Variants in PCNT observed in about 807,000 individuals in gnomAD.
The protein encoded by PCNT is kendrin.
PCNT carries 319 observed loss-of-function variants against 380.4 expected under a neutral mutation model. The ratio of observed to expected loss-of-function variants is 0.84; its 90% CI spans 0.77 to 0.92. The LOEUF (loss-of-function observed/expected upper bound fraction) is 0.92, where lower values mean the gene tolerates loss of function less well. PCNT is among the 40% of genes least tolerant of loss of function. The pLI, the probability that PCNT is intolerant of heterozygous loss-of-function variation, is 0.00. For synonymous variants in PCNT, 1,845 were observed against 1,735.2 expected, an observed-to-expected ratio of 1.06 and a Z score of -1.57; for missense variants, 4,400 against 4,255.3, an observed-to-expected ratio of 1.03 and a Z score of -0.95.
At chr21:46,351,302 C>T in intron 8 of PCNT, 127 bp from the exon 9 acceptor site, 1 of 734,712 alleles carries the variant, frequency 1.4e-6, no homozygotes, top group South Asian at 1.4e-5. Context: ...TTTCTCCGAG[C>T]TGCAGGTTTG....
chr21:46,354,322 G>A (rs2084392087), intron 11 of PCNT, among the ~76,000 whole-genome samples: 1 of 152,230 alleles, frequency 6.6e-6, no homozygotes, highest in East Asian at 1.9e-4. Flanking sequence ...TGTGGGCAAG[G>A]CCTCCACCCT....
chr21:46,336,577 C>G (rs1407132461), intron 3 of PCNT, among the ~76,000 whole-genome samples: 1 of 152,150 alleles, frequency 6.6e-6, no homozygotes, highest in Non-Finnish European at 1.5e-5. Flanking sequence ...GTGCCGCAGG[C>G]TCATCGTGTA....
At position 46,416,259 on chromosome 21, in the gene PCNT, C is replaced by G. The variant is rs774062727; in HGVS notation, c.6341C>G (p.Ser2114Cys). Residue 2114 changes from serine (S) to cysteine (C), a missense_variant, in exon 30 of 47, where the codon TCC (serine) becomes TGC (cysteine). Ser to Cys is a moderately radical substitution (Grantham distance 112). Coordinates refer to ENST00000359568, the MANE Select transcript of PCNT (RefSeq NM_006031.6). ...HLLESSWSDD[S>C]CDGEEPDISP... ...TTGGAGAGCAGCTGGAGTGATGATT[C>G]CTGTGACGGAGAAGAGCCTGACATA... 5 of 1,614,142 alleles carry G rather than the reference C, an allele frequency of 3.1e-6. No homozygotes were observed. The Admixed American group carries it at 8.3e-5, about 27-fold the overall frequency.
intron 21 of PCNT, among the ~76,000 whole-genome samples, chr21:46,394,091 G>T (rs1049973582): frequency 6.6e-6 from 1 of 152,224 alleles, no homozygotes; most frequent in African/African-American, 2.4e-5. Context: ...ACTCTGGTTT[G>T]TTTTCTTTCC....
chr21:46,412,217 G>A, intron 28 of PCNT, 150 bp downstream of exon 28: 1 of 826,788 alleles, frequency 1.2e-6, no homozygotes, highest in Non-Finnish European at 1.9e-6. Context: ...CTGAAGCTCG[G>A]GCCAGCCTGG....
At chr21:46,410,089 C>T (rs1204566375) in intron 27 of PCNT, among the ~76,000 whole-genome samples, 3 of 152,248 alleles carry the variant, frequency 2.0e-5, no homozygotes, top group Admixed American at 6.5e-5. Context: ...AATTCCTTCG[C>T]GTGCCTGTAG....
At chr21:46,355,938 A>AATG (rs1439286442) in intron 12 of PCNT, among the ~76,000 whole-genome samples, 1 of 152,002 alleles carries the variant, frequency 6.6e-6, no homozygotes, top group Non-Finnish European at 1.5e-5. Flanking sequence ...CTGGAGGGAG[A>AATG]ATGTGTGTCC....
intron 3 of PCNT, among the ~76,000 whole-genome samples, chr21:46,338,299 C>T (rs1012137358): frequency 2.6e-5 from 4 of 152,216 alleles, no homozygotes; most frequent in African/African-American, 9.6e-5. Context: ...CTCTTTCTAA[C>T]CAGCCGCTCT....
At chr21:46,380,482 A>G (rs117584451) in intron 15 of PCNT, among the ~76,000 whole-genome samples, 6,260 of 151,790 alleles carry the variant, frequency 0.041, 195 homozygotes, top group Non-Finnish European at 0.062. Flanking sequence ...AATTTTTGAC[A>G]CCGAGAGCTC....
intron 27 of PCNT, among the ~76,000 whole-genome samples, chr21:46,405,619 C>G (rs546831174): frequency 9.2e-5 from 14 of 152,170 alleles, no homozygotes; most frequent in Admixed American, 8.5e-4. Flanking sequence ...CACTTGAACC[C>G]AGAAGGTGGA....
At chr21:46,374,184 G>A (rs1179444296) in intron 15 of PCNT, among the ~76,000 whole-genome samples, 3 of 152,090 alleles carry the variant, frequency 2.0e-5, no homozygotes, top group African/African-American at 7.2e-5. Flanking sequence ...GCAAGCCCCC[G>A]GTCCCGCTGG....
At chr21:46,339,997 A>G (rs1026007847) in intron 3 of PCNT, among the ~76,000 whole-genome samples, 4 of 152,124 alleles carry the variant, frequency 2.6e-5, no homozygotes, top group Admixed American at 1.3e-4. Context: ...GTATTTGTCC[A>G]TTCTCATGCT....
chr21:46,428,858 G>C (rs768646920), intron 35 of PCNT, among the ~76,000 whole-genome samples: 7 of 152,222 alleles, frequency 4.6e-5, no homozygotes, highest in Non-Finnish European at 8.8e-5. Context: ...GCAGATTCTT[G>C]GGAGCTCATG....
chr21:46,373,020 C>CT (rs2085204120), intron 15 of PCNT, among the ~76,000 whole-genome samples: 1 of 152,090 alleles, frequency 6.6e-6, no homozygotes, highest in South Asian at 2.1e-4. Context: ...TCTAGGGTGA[C>CT]TGTTGTTGTT....
rs368125717 is a variant in PCNT at position 46,416,299 on chromosome 21, C to T, written c.6381C>T (p.Asp2127=). 1.7e-5 allele frequency: 27 copies of T among 1,613,812 alleles called. No homozygotes were observed. Among genetic ancestry groups the T allele is most frequent in the Non-Finnish European group, 2.2e-5 (26 of 1,179,886 alleles). The change falls in exon 30 of 47, where the codon GAC becomes GAT. Residue 2127 remains aspartate (D), a synonymous_variant. Transcript: ENST00000359568. The stretch of plus-strand genomic sequence containing the variant: ...AGCCTGACATATCACCCCACATAGA[C>T]ACATGTGATGCCAATACAGCCACGG... ...GEEPDISPHI[D]TCDANTATGG... is the part of the protein sequence containing the mutation.
At chr21:46,401,874 G>T (rs1336572646) in intron 26 of PCNT, among the ~76,000 whole-genome samples, 153 bp downstream of exon 26, 3 of 152,184 alleles carry the variant, frequency 2.0e-5, no homozygotes, top group African/African-American at 7.2e-5. Flanking sequence ...GTTTGAGACA[G>T]AGTTTTGCTC....
rs973371229 is a variant in PCNT at position 46,435,965 on chromosome 21, T to C, written c.8813T>C (p.Val2938Ala). ...LHKIKQLQQT[V>A]RDLESKDEVP... ...AAGATCAAGCAGCTTCAGCAGACAG[T>C]GAGAGACCTGGAGTCGAAGGACGAG... The change falls in exon 39 of 47, where the codon GTG (valine) becomes GCG (alanine). Residue 2938 changes from valine to alanine, a missense_variant. Transcript: ENST00000359568. 3.1e-6 allele frequency: 5 copies of C among 1,614,154 alleles called. No homozygotes were observed. Among genetic ancestry groups the C allele is most frequent in the Non-Finnish European group, 3.4e-6 (4 of 1,180,004 alleles).
chr21:46,410,403 G>A (rs1431315738), intron 27 of PCNT, among the ~76,000 whole-genome samples: 1 of 152,188 alleles, frequency 6.6e-6, no homozygotes, highest in African/African-American at 2.4e-5. Context: ...GAACATATTA[G>A]TCTATAACAA....
rs774216090 is a variant in PCNT at position 46,443,865 on chromosome 21, C to T, written c.9756C>T (p.Thr3252=). ...CCAGAACCAGAGAGTCCCCCCCAAC[C>T]CGGGATGTACCCTCTGGCCACACCA... The part of the protein sequence containing the change: ...SPPRTRESPP[T]RDVPSGHTRD... Residue 3252 remains threonine, a synonymous_variant, in exon 45 of 47, where the codon ACC becomes ACT. Transcript: ENST00000359568. 6.2e-7 allele frequency: 1 copy of T among 1,613,328 alleles called. No individual in the cohort carries two copies. The highest frequency in any genetic ancestry group is 2.2e-5 in the East Asian group (1 of 44,878).
Sources: gnomAD v4.1 joint callset for allele counts (sites outside exome capture counted in the v4.1 genomes callset) on GRCh38, gnomAD v4.1.1 for gene constraint, MANE v1.5 for transcripts, NCBI Gene and HGNC (gene_info 2026-07-23, HGNC 2026-07-21) for gene names.